The following COPE variants were observed in gnomAD, a reference collection of about 807,000 sequenced individuals.
COPE encodes the protein coatomer subunit epsilon.
Under a neutral mutation model 42.1 loss-of-function variants are expected in COPE, and 19 were observed. The ratio of observed to expected loss-of-function variants is 0.45; its 90% CI spans 0.31 to 0.66. The LOEUF (loss-of-function observed/expected upper bound fraction) is 0.66. COPE is among the 30% of genes least tolerant of loss of function. The pLI is 0.05. For synonymous variants in COPE, 195 were observed against 181.3 expected (o/e 1.08, Z -0.60); for missense variants, 402 against 416.1 (o/e 0.97, Z 0.30).
At chr19:18,909,775 A>T (rs1290169103) in intron 3 of COPE, among the ~76,000 whole-genome samples, 1 of 151,884 alleles carries the variant, frequency 6.6e-6, no homozygotes, top group Admixed American at 6.6e-5. Flanking sequence ...GTCCTCCCAA[A>T]GTGCTGGGAT....
rs769180190 is a variant in COPE, at chr19:18,907,083, T to C, written c.320A>G (p.Glu107Gly). The change falls in exon 4 of 10, where the codon GAG becomes GGG. Residue 107 changes from glutamate to glycine, a missense_variant. Transcript: ENST00000262812. ...GGTCACGTCCACGCTCCTGCTCATC[T>C]CTCGGTCCAGCTCGGCCACGATGCT... ...RDSIVAELDR[E>G]MSRSVDVTNT... is the part of the protein sequence containing the mutation. 1 of 1,612,010 alleles carries C rather than the reference T, an allele frequency of 6.2e-7. No individual in the cohort carries two copies. The highest frequency in any genetic ancestry group is 2.2e-5 in the East Asian group (1 of 44,844).
intron 5 of COPE, 118 bp downstream of exon 5, chr19:18,905,458 G>T: frequency 9.4e-7 from 1 of 1,067,648 alleles, no homozygotes; most frequent in Non-Finnish European, 1.3e-6. Flanking sequence ...CCACCCCCAT[G>T]GAAAGGAAAG....
chr19:18,919,315 CGCCGGAGGCCGG>C lies in COPE; in HGVS notation c.22_33del (p.Pro8_Gly11del), dbSNP rs751732594. On this transcript the variant is annotated inframe_deletion, in exon 1 of 10. Transcript: ENST00000262812. Reference sequence around the variant, plus strand: ...AACAGCTCGTCTACCTCCCCGGAGCCGCCGGAGGCCGGGCCGGGGGCCGGAGGCGCCATTTCG... The same window carrying C: ...AACAGCTCGTCTACCTCCCCGGAGCCGCCGGGGGCCGGAGGCGCCATTTCG... The C allele has an allele frequency of 5.2e-5, 84 of 1,613,512 alleles. No homozygotes were observed. The highest frequency in any genetic ancestry group is 3.3e-4 in the African/African-American group (25 of 74,962).
intron 4 of COPE, chr19:18,906,484 G>A (rs1032907653): frequency 6.2e-6 from 1 of 161,792 alleles, no homozygotes; most frequent in Non-Finnish European, 1.3e-5. Flanking sequence ...GGGAAGAACT[G>A]ACACACTTTC....
At chr19:18,913,138 G>T in intron 1 of COPE, 92 bp from the exon 2 acceptor site, 1 of 1,161,144 alleles carries the variant, frequency 8.6e-7, no homozygotes. Flanking sequence ...TGTACACTGG[G>T]GACAGGTGGC....
chr19:18,907,171 G>T, intron 3 of COPE, 59 bp from the exon 4 acceptor site: 1 of 1,564,514 alleles, frequency 6.4e-7, no homozygotes, highest in Middle Eastern at 1.7e-4. Flanking sequence ...GACCTCAGAG[G>T]GTCCCCTTCC....
chr19:18,902,515 A>G (rs1001400054), intron 7 of COPE, among the ~76,000 whole-genome samples: 5 of 145,852 alleles, frequency 3.4e-5, no homozygotes, highest in African/African-American at 1.3e-4. Flanking sequence ...AAATACAAAA[A>G]TTAGCCAGGC....
chr19:18,903,154 G>A (rs929984305), intron 7 of COPE, 114 bp downstream of exon 7: 6 of 1,131,302 alleles, frequency 5.3e-6, no homozygotes, highest in Non-Finnish European at 7.1e-6. Flanking sequence ...AGCCCTGTGG[G>A]GCCACACGCA....
intron 2 of COPE, among the ~76,000 whole-genome samples, chr19:18,912,738 CAAA>C (rs10716350): frequency 5.3e-5 from 6 of 113,142 alleles, no homozygotes; most frequent in Admixed American, 1.7e-4. Context: ...GACTCCGTCT[CAAA>C]AAAAAAAAAA....
chr19:18,916,042 A>G (rs75226807), intron 1 of COPE, among the ~76,000 whole-genome samples: 17,874 of 152,212 alleles, frequency 0.12, 1,164 homozygotes, highest in African/African-American at 0.14. Context: ...AAAATTAGCC[A>G]GGTGTGGTGG....
intron 2 of COPE, among the ~76,000 whole-genome samples, chr19:18,912,025 T>G (rs536658278): frequency 6.6e-6 from 1 of 151,438 alleles, no homozygotes; most frequent in South Asian, 2.1e-4. Context: ...TAATTCTGTA[T>G]TTTTAGTAGA....
chr19:18,900,597 G>C (rs1279310105), intron 7 of COPE, 148 bp from the exon 8 acceptor site: 10 of 603,126 alleles, frequency 1.7e-5, no homozygotes. Flanking sequence ...GCAAGGTGGA[G>C]ATCTCAGATG....
chr19:18,918,299 A>C (rs967006741), intron 1 of COPE, among the ~76,000 whole-genome samples: 3 of 152,242 alleles, frequency 2.0e-5, no homozygotes, highest in Non-Finnish European at 2.9e-5. Context: ...AAGCAGTTCA[A>C]GCCTCTGATA....
In COPE at chr19:18,919,211, G is replaced by A; in HGVS notation, c.126+12C>T. 6.2e-7 allele frequency: 1 copy of A among 1,605,558 alleles called. No individual in the cohort carries two copies. The highest frequency in any genetic ancestry group is 1.1e-5 in the South Asian group (1 of 90,416). On this transcript the variant is annotated intron_variant, in intron 1 of 9. Transcript: ENST00000262812. ...CCGCCCCCAGCGTCCCCGCGCCCCT[G>A]CGCGGCCGCACCTTCACCCGCTGCG...
intron 1 of COPE, 141 bp downstream of exon 1, chr19:18,919,079 ACTC>A (rs2145092386): frequency 1.3e-6 from 1 of 748,822 alleles, no homozygotes; most frequent in East Asian, 2.6e-5. Context: ...GACAGTGACT[ACTC>A]CTCACTGAAC....
chr19:18,904,356 G>A (rs1220168219), intron 6 of COPE, among the ~76,000 whole-genome samples: 2 of 152,240 alleles, frequency 1.3e-5, no homozygotes, highest in Non-Finnish European at 2.9e-5. Flanking sequence ...CCGGGCGGAG[G>A]TGCCCAGGCC....
At position 18,911,228 on chromosome 19, in the gene COPE, G is replaced by T. The variant is rs2056807419; in HGVS notation, c.190-157C>A. The T allele has an allele frequency of 1.1e-5, 7 of 655,242 alleles. No individual in the cohort carries two copies. The Admixed American group carries it at 1.6e-4, about 15-fold the overall frequency. 40.6% of individuals were successfully genotyped at this position (655,242 alleles called of 1,614,324 possible). A position where few individuals can be genotyped will look rare whatever the true frequency, so the allele number is the denominator to read the frequency against. ...TCCACTGCAGTACACTGTGGAGGGT[G>T]GCATGGCGTCACCTGTCGTGAGCAG... On this transcript the variant is annotated intron_variant, in intron 2 of 9. Coordinates refer to ENST00000262812, the MANE Select transcript of COPE (RefSeq NM_007263.4).
In COPE at chr19:18,911,075, C is replaced by A. The variant is rs781404675; in HGVS notation, c.190-4G>T. ...CCAGGACCACACCGAACTTCCTCTG[C>A]AGTAGGGACGAGGCGTCAGCTGCAC... On this transcript the variant is annotated splice_region_variant and splice_polypyrimidine_tract_variant and intron_variant, in intron 2 of 9. Coordinates refer to ENST00000262812, the MANE Select transcript of COPE (RefSeq NM_007263.4). 1.9e-6 allele frequency: 3 copies of A among 1,613,392 alleles called. No individual in the cohort carries two copies. Among genetic ancestry groups the A allele is most frequent in the African/African-American group, 1.3e-5 (1 of 74,894 alleles).
At chr19:18,911,717 A>C (rs906959336) in intron 2 of COPE, among the ~76,000 whole-genome samples, 2 of 150,530 alleles carry the variant, frequency 1.3e-5, no homozygotes, top group African/African-American at 2.5e-5. Flanking sequence ...ACGCCCGGCT[A>C]ATTTTTTTGT....
Sources: gnomAD v4.1 joint callset for allele counts (sites outside exome capture counted in the v4.1 genomes callset) on GRCh38, gnomAD v4.1.1 for gene constraint, MANE v1.5 for transcripts, NCBI Gene and HGNC (gene_info 2026-07-23, HGNC 2026-07-21) for gene names.